Variants in SAFB observed in about 807,000 individuals in gnomAD.
The protein encoded by SAFB is scaffold attachment factor B1.
Under a neutral mutation model 101.6 loss-of-function variants are expected in SAFB, and 15 were observed. That is an observed-to-expected ratio of 0.15 (90% CI 0.10 to 0.23). SAFB has a LOEUF of 0.23. Among genes scored for constraint, SAFB ranks in the 10% least tolerant of loss-of-function variants. The pLI is 1.00. For synonymous variants in SAFB, 449 were observed against 407.5 expected (o/e 1.10, Z -1.23); for missense variants, 930 against 1,104.1 (o/e 0.84, Z 2.23).
chr19:5,623,453 CG>C, intron 1 of SAFB, 59 bp downstream of exon 1: 1 of 1,439,644 alleles, frequency 6.9e-7, no homozygotes, highest in Non-Finnish European at 9.4e-7. Context: ...TTGGCCGCGA[CG>C]GTGGCTCGCG....
At chr19:5,659,746 C>A (rs1470584964) in intron 14 of SAFB, among the ~76,000 whole-genome samples, 1 of 151,294 alleles carries the variant, frequency 6.6e-6, no homozygotes, top group Non-Finnish European at 1.5e-5. Context: ...CAGGCATTGG[C>A]AGGTGGCATT....
intron 6 of SAFB, chr19:5,648,344 T>C (rs1271984235): frequency 5.0e-6 from 2 of 399,604 alleles, no homozygotes; most frequent in East Asian, 4.8e-5. Flanking sequence ...GATGCCTCTC[T>C]TGAGAGCTAA....
At chr19:5,640,142 C>T (rs1253976117) in intron 2 of SAFB, among the ~76,000 whole-genome samples, 3 of 151,690 alleles carry the variant, frequency 2.0e-5, no homozygotes, top group Middle Eastern at 3.5e-3. Context: ...CGTGAGCCAC[C>T]GCGCCTGGCT....
intron 14 of SAFB, among the ~76,000 whole-genome samples, chr19:5,659,671 G>A (rs2054150196): frequency 6.6e-6 from 1 of 151,494 alleles, no homozygotes; most frequent in African/African-American, 2.4e-5. Flanking sequence ...GTGAGCCACT[G>A]CGCCCAGCCT....
At chr19:5,664,687 A>G in intron 17 of SAFB, 1 of 456,734 alleles carries the variant, frequency 2.2e-6, no homozygotes, top group Non-Finnish European at 4.0e-6. Flanking sequence ...TGTGTGCCAC[A>G]CTCACCACAC....
At position 5,667,355 on chromosome 19, in the gene SAFB, G is replaced by A. The variant is rs1193001640; in HGVS notation, c.2462G>A (p.Arg821His). ...GATGTCTCTCTTTCAAGGGGCAGAC[G>A]TGACTGGGGGGACCATGGCCGAAGA... The part of the protein sequence containing the change: ...RGLPPPPRGR[R>H]DWGDHGRRED... The change falls in exon 19 of 21, where the codon CGT becomes CAT. Residue 821 changes from arginine to histidine, a missense_variant. Physicochemically the swap from Arg to His is conservative, Grantham distance 29. Coordinates refer to ENST00000588852, the MANE Select transcript of SAFB (RefSeq NM_001201338.2). This position sits in a 1 kb window ranked among gnomAD's most constrained non-coding sequence, Gnocchi z 4.0. The A allele has an allele frequency of 2.0e-6, 3 of 1,498,276 alleles. No individual in the cohort carries two copies. Among genetic ancestry groups the A allele is most frequent in the East Asian group, 2.5e-5 (1 of 40,366 alleles). 92.8% of individuals were successfully genotyped at this position (1,498,276 alleles called of 1,614,324 possible).
At chr19:5,636,507 TTC>T (rs1411815099) in intron 2 of SAFB, among the ~76,000 whole-genome samples, 3 of 152,082 alleles carry the variant, frequency 2.0e-5, no homozygotes, top group Admixed American at 1.3e-4. Context: ...ATGTATTGAA[TTC>T]TGTTATCAGT....
At chr19:5,665,969 A>C (rs1332122970) in intron 17 of SAFB, 1 of 152,274 alleles carries the variant, frequency 6.6e-6, no homozygotes, top group Non-Finnish European at 1.5e-5. Flanking sequence ...GACATCGTGC[A>C]CGTGGTGGAG....
intron 2 of SAFB, among the ~76,000 whole-genome samples, 197 bp from the exon 3 acceptor site, chr19:5,641,397 A>G (rs2053710440): frequency 6.6e-6 from 1 of 151,774 alleles, no homozygotes; most frequent in Non-Finnish European, 1.5e-5. Flanking sequence ...CTCAGACAAG[A>G]ACAGAACCTC....
chr19:5,653,598 T>C (rs936135103), intron 11 of SAFB, among the ~76,000 whole-genome samples, 178 bp downstream of exon 11: 3 of 152,146 alleles, frequency 2.0e-5, no homozygotes, highest in Non-Finnish European at 2.9e-5. Context: ...CCTGAGTATC[T>C]GGGACTAAGG....
rs60011056 is a variant in SAFB, at chr19:5,660,704, CAAAAAAAA to C, written c.1863-797_1863-790del. 5.9e-4 allele frequency among the ~76,000 whole-genome samples: 45 copies of C among 76,590 alleles called. No homozygotes were observed. The South Asian group carries it at 0.012, about 20-fold the overall frequency. The allele number at this position is 76,590 out of a possible 152,430, so 50.2% of individuals were successfully genotyped here. A position where few individuals can be genotyped will look rare whatever the true frequency, so the allele number is the denominator to read the frequency against. ...GAACAGCCTGGGCAACCATCTCTACCAAAAAAAAAAAAAAAAAAAAAAAAGACAGCCTG... is the reference window on the plus strand; with the variant it reads ...GAACAGCCTGGGCAACCATCTCTACCAAAAAAAAAAAAAAAAGACAGCCTG... On this transcript the variant is annotated intron_variant, in intron 14 of 20. Transcript: ENST00000588852.
intron 15 of SAFB, 76 bp downstream of exon 15, chr19:5,661,884 G>A (rs917037759): frequency 1.0e-6 from 1 of 966,098 alleles, no homozygotes; most frequent in Non-Finnish European, 1.5e-6. Flanking sequence ...GTTAGCTTGA[G>A]ATTTTTTTTT....
chr19:5,662,254 T>C (rs1645550949), intron 15 of SAFB, among the ~76,000 whole-genome samples: 1 of 152,132 alleles, frequency 6.6e-6, no homozygotes, highest in Non-Finnish European at 1.5e-5. Context: ...TCCTAACATT[T>C]TGGGAGGCCA....
chr19:5,643,405 A>G (rs1259707610), intron 4 of SAFB, among the ~76,000 whole-genome samples: 3 of 152,184 alleles, frequency 2.0e-5, no homozygotes, highest in Non-Finnish European at 2.9e-5. Context: ...ACTGATTCCA[A>G]GTATCCTTAG....
rs1476470943 is a variant in SAFB at position 5,657,291 on chromosome 19, C to T, written c.1806C>T (p.Val602=). 4.3e-6 allele frequency: 7 copies of T among 1,613,902 alleles called. No homozygotes were observed. The highest frequency in any genetic ancestry group is 5.9e-6 in the Non-Finnish European group (7 of 1,179,948). Residue 602 remains valine (V), a synonymous_variant, in exon 14 of 21, where the codon GTC becomes GTT. Coordinates refer to ENST00000588852, the MANE Select transcript of SAFB (RefSeq NM_001201338.2). ...RKSASREKRS[V]VSFDKVKEPR... ...CAGCCAGCAGAGAGAAGCGGTCCGT[C>T]GTGTCCTTTGATAAGGTCAAGGAGC... is the stretch of plus-strand genomic sequence containing the variant.
At chr19:5,659,603 G>A (rs1011854444) in intron 14 of SAFB, among the ~76,000 whole-genome samples, 8 of 151,442 alleles carry the variant, frequency 5.3e-5, no homozygotes, top group African/African-American at 1.7e-4. Flanking sequence ...GGATGGTCTC[G>A]ATCTCCTGAC....
chr19:5,653,452 C>G, intron 11 of SAFB, 32 bp downstream of exon 11: 1 of 1,592,048 alleles, frequency 6.3e-7, no homozygotes, highest in Middle Eastern at 1.7e-4. Flanking sequence ...ATTAAAGGGG[C>G]AGGGTGTTTT....
chr19:5,663,537 C>T (rs1010065162), intron 15 of SAFB, among the ~76,000 whole-genome samples: 2 of 152,310 alleles, frequency 1.3e-5, no homozygotes, highest in South Asian at 2.1e-4. Context: ...GTAAACTGTT[C>T]TAGGATCTAT....
At chr19:5,646,718 T>C (rs542630171) in intron 5 of SAFB, among the ~76,000 whole-genome samples, 5 of 152,350 alleles carry the variant, frequency 3.3e-5, no homozygotes, top group Admixed American at 2.0e-4. Context: ...GGGGAAGTTA[T>C]AATTCAGTCA....
Sources: allele counts gnomAD v4.1 joint callset (sites outside exome capture counted in the v4.1 genomes callset), GRCh38; gene constraint gnomAD v4.1.1; non-coding constraint Gnocchi (gnomAD v3.1); transcripts MANE v1.5; gene names NCBI Gene and HGNC (gene_info 2026-07-23, HGNC 2026-07-21).